COLGALT1: variants seen among roughly 807,000 people sequenced by gnomAD.
The protein encoded by COLGALT1 is collagen beta(1-O)galactosyltransferase 1, also known as procollagen galactosyltransferase 1.
Under a neutral mutation model 60.8 loss-of-function variants are expected in COLGALT1, and 43 were observed. The observed-to-expected ratio is 0.71, with a 90% CI of 0.55 to 0.91. The LOEUF is 0.91. COLGALT1 is among the 40% of genes least tolerant of loss of function. COLGALT1 has a pLI of 0.00. For missense variants in COLGALT1, 845 were observed against 880.0 expected (o/e 0.96, Z 0.50); for synonymous variants, 369 against 374.2 (o/e 0.99, Z 0.16).
At position 17,581,587 on chromosome 19, in the gene COLGALT1, C is replaced by T. The variant is rs548496267; in HGVS notation, c.*143C>T. ...TGGTGTCCAGCCAGCTCTTGCTAAG[C>T]AATCACGTGCACACAGGCAGCATTA... On this transcript the variant is annotated 3_prime_UTR_variant, in exon 12 of 12. Coordinates refer to ENST00000252599, the MANE Select transcript of COLGALT1 (RefSeq NM_024656.4). The T allele has an allele frequency of 1.3e-5, 14 of 1,064,686 alleles. 1 individual carries two copies. The East Asian group carries it at 3.6e-4, about 28-fold the overall frequency. The allele number at this position is 1,064,686 out of a possible 1,614,324, so 66.0% of individuals were successfully genotyped here.
At position 17,582,094 on chromosome 19, in the gene COLGALT1, A is replaced by C. The variant is rs2076386741; in HGVS notation, c.*650A>C. The C allele has an allele frequency of 6.6e-6, 1 of 152,640 alleles. No homozygotes were observed. The highest frequency in any genetic ancestry group is 2.1e-4 in the South Asian group (1 of 4,842). The allele number at this position is 152,640 out of a possible 1,614,324, so 9.5% of individuals were successfully genotyped here. On this transcript the variant is annotated 3_prime_UTR_variant, in exon 12 of 12. Coordinates refer to ENST00000252599, the MANE Select transcript of COLGALT1 (RefSeq NM_024656.4). ...TGGCTAGTTTTTGTATTTTTAGTAG[A>C]GACGGGGTTTCACCATGTTGGCCAG... is the stretch of plus-strand genomic sequence containing the variant.
At chr19:17,567,581 A>AG (rs917907560) in intron 4 of COLGALT1, 41 bp downstream of exon 4, 8 of 1,595,318 alleles carry the variant, frequency 5.0e-6, no homozygotes, top group Non-Finnish European at 6.8e-6. Flanking sequence ...TGGGCTGAGC[A>AG]GGGGGGTGCC....
At chr19:17,579,386 T>C (rs2076364344) in intron 9 of COLGALT1, 96 bp from the exon 10 acceptor site, 3 of 1,549,250 alleles carry the variant, frequency 1.9e-6, no homozygotes, top group Admixed American at 1.7e-5. Context: ...CTGGCTTCTC[T>C]ACGGGTCTTT....
intron 3 of COLGALT1, among the ~76,000 whole-genome samples, chr19:17,560,889 C>T (rs998378650): frequency 6.6e-6 from 1 of 151,450 alleles, no homozygotes; most frequent in Non-Finnish European, 1.5e-5. Context: ...CCCACCACCA[C>T]GCCCGGCTAA....
At chr19:17,557,527 C>A (rs2076220066) in intron 1 of COLGALT1, among the ~76,000 whole-genome samples, 1 of 152,162 alleles carries the variant, frequency 6.6e-6, no homozygotes, top group South Asian at 2.1e-4. Context: ...GTGTTGATCT[C>A]CTGACCTCAT....
chr19:17,581,011 C>T, intron 11 of COLGALT1, 106 bp downstream of exon 11: 1 of 1,444,342 alleles, frequency 6.9e-7, no homozygotes, highest in Non-Finnish European at 9.6e-7. Flanking sequence ...CTTCTTTTGC[C>T]TACTTCTCCC....
intron 10 of COLGALT1, chr19:17,579,830 G>A (rs1189322076): frequency 2.0e-5 from 12 of 591,172 alleles, no homozygotes; most frequent in South Asian, 1.5e-4. Flanking sequence ...TGGCCACAGC[G>A]CTGCAGCTGA....
At chr19:17,580,420 A>C in intron 10 of COLGALT1, 2 of 502,256 alleles carry the variant, frequency 4.0e-6, no homozygotes, top group South Asian at 2.2e-5. Context: ...CTCTGAACTC[A>C]GAGCAGCTTC....
intron 6 of COLGALT1, among the ~76,000 whole-genome samples, chr19:17,574,856 G>T (rs992611573): frequency 1.3e-5 from 2 of 151,796 alleles, no homozygotes; most frequent in Non-Finnish European, 2.9e-5. Context: ...ACATATATTT[G>T]TGTTGTCATT....
chr19:17,566,218 T>G (rs993012646), intron 3 of COLGALT1: 2 of 151,790 alleles, frequency 1.3e-5, no homozygotes, highest in African/African-American at 4.8e-5. Flanking sequence ...ATACAAAAAT[T>G]AGCCTGACGT....
At chr19:17,564,413 CTT>C (rs71162155) in intron 3 of COLGALT1, among the ~76,000 whole-genome samples, 170 of 104,194 alleles carry the variant, frequency 1.6e-3, no homozygotes, top group Middle Eastern at 0.012. Flanking sequence ...AAAACATCTA[CTT>C]TTTTTTTTTT....
chr19:17,574,550 G>A (rs570508840), intron 6 of COLGALT1, among the ~76,000 whole-genome samples: 3 of 152,096 alleles, frequency 2.0e-5, no homozygotes, highest in East Asian at 3.9e-4. Flanking sequence ...GGCTGGCCTC[G>A]AACTCCTGTC....
chr19:17,577,003 T>TGAGAGGCAGGACTGGGGGCGGGGAGAAGC (rs1568480813), intron 6 of COLGALT1, 192 bp from the exon 7 acceptor site: 2 of 590,028 alleles, frequency 3.4e-6, no homozygotes, highest in South Asian at 2.0e-5. Context: ...TGGCCAGGGC[T>TGAGAGGCAGGACTGGGGGCGGGGAGAAGC]TTGGGCTGCT....
In COLGALT1 at chr19:17,583,149, T is replaced by C. The variant is rs1812086684; in HGVS notation, c.*1705T>C. ...TAGTTTTTTAATAAATGTTCCTGGT[T>C]GGTTTTCACAGCAGTTTGTGGGATT... is the stretch of plus-strand genomic sequence containing the variant. On this transcript the variant is annotated 3_prime_UTR_variant, in exon 12 of 12. Transcript: ENST00000252599. 1 of 152,182 alleles carries C rather than the reference T, an allele frequency of 6.6e-6. No individual in the cohort carries two copies. The highest frequency in any genetic ancestry group is 2.1e-4 in the South Asian group (1 of 4,830). The allele number at this position is 152,182 out of a possible 1,614,324, so 9.4% of individuals were successfully genotyped here. A position where few individuals can be genotyped will look rare whatever the true frequency, so the allele number is the denominator to read the frequency against.
At chr19:17,576,407 T>A (rs1599792414) in intron 6 of COLGALT1, among the ~76,000 whole-genome samples, 1 of 150,198 alleles carries the variant, frequency 6.7e-6, no homozygotes, top group Non-Finnish European at 1.5e-5. Flanking sequence ...GGATCCAGCA[T>A]GTGCAAAGGC....
At position 17,567,466 on chromosome 19, in the gene COLGALT1, A is replaced by G. The variant is rs1271161729; in HGVS notation, c.550A>G (p.Asn184Asp). 6.2e-7 allele frequency: 1 copy of G among 1,614,100 alleles called. No homozygotes were observed. Among genetic ancestry groups the G allele is most frequent in the South Asian group, 1.1e-5 (1 of 91,078 alleles). ...CACACTGAGCCTGCTCATCGCTGAG[A>G]ACAAGACGGTGGTCGCCCCCATGCT... ...PDTLSLLIAE[N>D]KTVVAPMLDS... Residue 184 changes from asparagine (N) to aspartate (D), a missense_variant, in exon 4 of 12, where the codon AAC becomes GAC. Asn to Asp is a conservative substitution (Grantham distance 23). Coordinates refer to ENST00000252599, the MANE Select transcript of COLGALT1 (RefSeq NM_024656.4).
At chr19:17,576,952 G>C in intron 6 of COLGALT1, 1 of 581,776 alleles carries the variant, frequency 1.7e-6, no homozygotes, top group East Asian at 2.9e-5. Context: ...CCAGGGCTGA[G>C]AGGCAGGACT....
chr19:17,573,466 T>G (rs1568479249), intron 6 of COLGALT1, among the ~76,000 whole-genome samples: 2 of 151,348 alleles, frequency 1.3e-5, no homozygotes, highest in African/African-American at 4.9e-5. Flanking sequence ...GAGGCGGAGG[T>G]TGCAGTGAGC....
At chr19:17,578,582 G>T (rs559851918) in intron 9 of COLGALT1, among the ~76,000 whole-genome samples, 1 of 152,202 alleles carries the variant, frequency 6.6e-6, no homozygotes, top group South Asian at 2.1e-4. Flanking sequence ...GGGCATGGTG[G>T]CGCACACCTG....
Sources: gnomAD v4.1 joint callset for allele counts (sites outside exome capture counted in the v4.1 genomes callset) on GRCh38, gnomAD v4.1.1 for gene constraint, MANE v1.5 for transcripts, NCBI Gene and HGNC (gene_info 2026-07-23, HGNC 2026-07-21) for gene names.